AGBL4: variants seen among roughly 807,000 people sequenced by gnomAD.
The protein encoded by AGBL4 is AGBL carboxypeptidase 4, also known as cytosolic carboxypeptidase 6.
In AGBL4, 58 loss-of-function variants were observed where a neutral mutation model predicts 66.4. The observed-to-expected ratio is 0.87, with a 90% confidence interval of 0.71 to 1.09. The LOEUF (loss-of-function observed/expected upper bound fraction) is 1.09. Ranked by LOEUF, AGBL4 falls within the 50% of genes least tolerant of loss-of-function variation. The probability of loss-of-function intolerance (pLI) is 0.00; values close to 1 mark genes in which losing one functional copy is unlikely to be tolerated. For synonymous variants in AGBL4, 234 were observed against 222.9 expected, an observed-to-expected ratio of 1.05 and a Z score of -0.44; for missense variants, 579 against 631.0, an observed-to-expected ratio of 0.92 and a Z score of 0.88.
chr1:48,925,526 T>A (rs557742224), intron 5 of AGBL4, among the ~76,000 whole-genome samples: 11 of 152,162 alleles, frequency 7.2e-5, no homozygotes, highest in African/African-American at 2.7e-4. Flanking sequence ...TGTTTTTTTT[T>A]AAAAGCTCAT....
intron 5 of AGBL4, among the ~76,000 whole-genome samples, chr1:49,033,712 C>T (rs1664412718): frequency 6.6e-6 from 1 of 152,114 alleles, no homozygotes; most frequent in Non-Finnish European, 1.5e-5. Context: ...TTTACATTTG[C>T]TCAATCTGCT....
chr1:49,145,965 G>C (rs1353141097), intron 4 of AGBL4, among the ~76,000 whole-genome samples: 1 of 152,178 alleles, frequency 6.6e-6, no homozygotes, highest in Admixed American at 6.5e-5. Flanking sequence ...CGACATGGAT[G>C]GAATTCGAGG....
chr1:49,856,547 T>C (rs866206951), intron 1 of AGBL4, among the ~76,000 whole-genome samples: 1 of 152,010 alleles, frequency 6.6e-6, no homozygotes, highest in African/African-American at 2.4e-5. Flanking sequence ...GTGGAATGTA[T>C]CCCAGGGATA....
At position 49,144,526 on chromosome 1, in the gene AGBL4, TAC is replaced by T. The variant is rs58163314; in HGVS notation, c.378-98728_378-98727del. On this transcript the variant is annotated intron_variant, in intron 4 of 13. Transcript: ENST00000371839. ...GCAATCCTATTCAGTTTACCTAATC[TAC>T]ACACACACACACACACACACACACA... Among the ~76,000 whole-genome samples the T allele has an allele frequency of 7.7e-3, 1,126 of 146,120 alleles. 12 individuals are homozygous for T. Among genetic ancestry groups the T allele is most frequent in the East Asian group, 0.022 (110 of 4,890 alleles).
At chr1:49,488,444 G>T (rs1327312673) in intron 3 of AGBL4, among the ~76,000 whole-genome samples, 1 of 151,128 alleles carries the variant, frequency 6.6e-6, no homozygotes, top group East Asian at 1.9e-4. Flanking sequence ...ATAATTACGG[G>T]ATAATGAGAC....
At chr1:49,047,538 C>T (rs1365693795) in intron 4 of AGBL4, among the ~76,000 whole-genome samples, 1 of 152,082 alleles carries the variant, frequency 6.6e-6, no homozygotes, top group Non-Finnish European at 1.5e-5. Context: ...TAGATTGCTA[C>T]CCTAAATTCT....
In AGBL4 at chr1:49,362,497, C is replaced by T. The variant is rs1039981703; in HGVS notation, c.283-116633G>A. The stretch of plus-strand genomic sequence containing the variant: ...AAGAGAGAATCTAACTACTCTCTGA[C>T]TGATGAGAGTCTGAGAAGGACTGAA... On this transcript the variant is annotated intron_variant, in intron 3 of 13. Transcript: ENST00000371839. Among the ~76,000 whole-genome samples the T allele has an allele frequency of 7.9e-4, 115 of 145,198 alleles. 1 individual carries two copies. Among genetic ancestry groups the T allele is most frequent in the African/African-American group, 2.8e-3 (111 of 39,566 alleles).
At chr1:49,065,349 G>C (rs951798449) in intron 4 of AGBL4, among the ~76,000 whole-genome samples, 1 of 152,208 alleles carries the variant, frequency 6.6e-6, no homozygotes, top group Non-Finnish European at 1.5e-5. Flanking sequence ...GCTTCAAACT[G>C]AATTTTGACA....
At chr1:48,889,799 A>G (rs1289005919) in intron 5 of AGBL4, among the ~76,000 whole-genome samples, 2 of 152,180 alleles carry the variant, frequency 1.3e-5, no homozygotes, top group African/African-American at 4.8e-5. Context: ...TGAATCCCCT[A>G]TAGCAGGCAA....
intron 4 of AGBL4, among the ~76,000 whole-genome samples, chr1:49,123,091 G>A (rs1401053009): frequency 6.6e-6 from 1 of 152,108 alleles, no homozygotes; most frequent in East Asian, 1.9e-4. Flanking sequence ...CTGACCTCGT[G>A]ATCTGCCCGC....
At chr1:49,948,083 TAA>T (rs1181166510) in intron 1 of AGBL4, among the ~76,000 whole-genome samples, 17 of 92,384 alleles carry the variant, frequency 1.8e-4, no homozygotes, top group African/African-American at 6.8e-4. Flanking sequence ...TAAATATATG[TAA>T]ATATATGTAT....
chr1:49,410,491 T>A (rs1260923167), intron 3 of AGBL4, among the ~76,000 whole-genome samples: 1 of 152,148 alleles, frequency 6.6e-6, no homozygotes, highest in Non-Finnish European at 1.5e-5. Flanking sequence ...ATGAGATGAA[T>A]AATATTATCA....
intron 5 of AGBL4, among the ~76,000 whole-genome samples, chr1:49,033,525 T>C (rs928060295): frequency 2.0e-5 from 3 of 152,114 alleles, no homozygotes; most frequent in African/African-American, 7.2e-5. Context: ...GTCAGAACTG[T>C]GCTGGCCCTC....
chr1:48,626,685 G>A (rs1362883825), intron 9 of AGBL4, among the ~76,000 whole-genome samples: 1 of 151,976 alleles, frequency 6.6e-6, no homozygotes, highest in East Asian at 1.9e-4. Flanking sequence ...CAAATGAGTG[G>A]TTCAGCCACC....
chr1:49,801,154 T>C (rs1268906771), intron 2 of AGBL4, among the ~76,000 whole-genome samples: 2 of 152,180 alleles, frequency 1.3e-5, no homozygotes. Flanking sequence ...CACAATGAGA[T>C]ACCATCTCAC....
At chr1:48,957,483 A>T (rs1657578896) in intron 5 of AGBL4, among the ~76,000 whole-genome samples, 2 of 152,190 alleles carry the variant, frequency 1.3e-5, no homozygotes. Flanking sequence ...GGTGGCTAGT[A>T]AGATTTAAGC....
chr1:49,270,204 T>C (rs1257207523), intron 3 of AGBL4, among the ~76,000 whole-genome samples: 2 of 152,106 alleles, frequency 1.3e-5, no homozygotes, highest in Admixed American at 6.6e-5. Flanking sequence ...CCAGAAATAG[T>C]TTTTCCTTGT....
At chr1:49,989,338 G>T (rs2148399944) in intron 1 of AGBL4, among the ~76,000 whole-genome samples, 1 of 152,278 alleles carries the variant, frequency 6.6e-6, no homozygotes, top group East Asian at 1.9e-4. Flanking sequence ...AATCAGGCAG[G>T]AAAGGCTCCA....
chr1:49,775,794 T>C (rs1177577485), intron 2 of AGBL4, among the ~76,000 whole-genome samples: 1 of 152,062 alleles, frequency 6.6e-6, no homozygotes, highest in African/African-American at 2.4e-5. Context: ...TTCAATCTTA[T>C]AATAACCTAT....
Sources: gnomAD v4.1 joint callset for allele counts (sites outside exome capture counted in the v4.1 genomes callset) on GRCh38, gnomAD v4.1.1 for gene constraint, MANE v1.5 for transcripts, NCBI Gene and HGNC (gene_info 2026-07-23, HGNC 2026-07-21) for gene names.